RABGAP1L: variants seen among roughly 807,000 people sequenced by gnomAD.
RABGAP1L encodes rab GTPase-activating protein 1-like.
Under a neutral mutation model 137.7 loss-of-function variants are expected in RABGAP1L, and 63 were observed. The observed-to-expected ratio is 0.46, with a 90% confidence interval of 0.37 to 0.56. The LOEUF (loss-of-function observed/expected upper bound fraction) is 0.56. Among genes scored for constraint, RABGAP1L ranks in the 20% least tolerant of loss-of-function variants. The pLI, the probability that RABGAP1L is intolerant of heterozygous loss-of-function variation, is 0.00. For missense variants in RABGAP1L, 1,095 were observed against 1,244.0 expected, an observed-to-expected ratio of 0.88 and a Z score of 1.80; for synonymous variants, 431 against 433.7, an observed-to-expected ratio of 0.99 and a Z score of 0.08.
rs1202610706 is a variant in RABGAP1L at position 174,761,535 on chromosome 1, C to T, written c.2211+9181C>T. 6.6e-6 allele frequency among the ~76,000 whole-genome samples: 1 copy of T among 152,094 alleles called. No homozygotes were observed. The highest frequency in any genetic ancestry group is 1.5e-5 in the Non-Finnish European group (1 of 68,024). On this transcript the variant is annotated intron_variant, in intron 18 of 25. Coordinates refer to ENST00000681986, the MANE Select transcript of RABGAP1L (RefSeq NM_001366446.1). The surrounding 1 kb of genome is among the most constrained non-coding windows in gnomAD (Gnocchi z 4.0). ...TGCTCACTTCCCAGCAGAGGCTCTC[C>T]TCACTTCCCAGATGGTGGGGCCGCC...
chr1:174,428,345 G>A (rs1488305690), intron 13 of RABGAP1L, among the ~76,000 whole-genome samples: 2 of 152,090 alleles, frequency 1.3e-5, no homozygotes, highest in Non-Finnish European at 2.9e-5. Context: ...CGAGGTATGG[G>A]GGAAGTGTAG....
chr1:174,222,687 A>G (rs1412936282), intron 3 of RABGAP1L, among the ~76,000 whole-genome samples: 1 of 152,254 alleles, frequency 6.6e-6, no homozygotes, highest in African/African-American at 2.4e-5. Context: ...CAGTTAGGGC[A>G]TGATAGCTAT....
At chr1:174,582,385 A>G (rs1030892437) in intron 13 of RABGAP1L, among the ~76,000 whole-genome samples, 5 of 152,170 alleles carry the variant, frequency 3.3e-5, no homozygotes, top group Non-Finnish European at 7.3e-5. Context: ...GAAAAGCTGC[A>G]AAGAGATGAG....
In RABGAP1L at chr1:174,448,778, TA is replaced by T. The variant is rs777271752; in HGVS notation, c.1710+54634del. On this transcript the variant is annotated intron_variant, in intron 13 of 25. Coordinates refer to ENST00000681986, the MANE Select transcript of RABGAP1L (RefSeq NM_001366446.1). This position sits in a 1 kb window ranked among gnomAD's most constrained non-coding sequence, Gnocchi z 4.2. ...TGCTGCCTTTGTTGTCTGCTTCACTTACTTCCACATTTTCAAAATTTGCCGT... is the reference window on the plus strand; with the variant it reads ...TGCTGCCTTTGTTGTCTGCTTCACTTCTTCCACATTTTCAAAATTTGCCGT... The T allele has an allele frequency of 6.2e-7, 1 of 1,613,866 alleles. No individual in the cohort carries two copies. Among genetic ancestry groups the T allele is most frequent in the Non-Finnish European group, 8.5e-7 (1 of 1,179,782 alleles).
intron 13 of RABGAP1L, among the ~76,000 whole-genome samples, chr1:174,539,208 AAACTTAGTGGTAAAG>A (rs1413581596): frequency 1.3e-5 from 2 of 152,286 alleles, no homozygotes; most frequent in African/African-American, 4.8e-5. Context: ...GTTGGAGGTT[AAACTTAGTGGTAAAG>A]AACTTAGCAT....
intron 5 of RABGAP1L, 22 bp from the exon 6 acceptor site, chr1:174,250,453 A>G: frequency 6.3e-7 from 1 of 1,586,004 alleles, no homozygotes; most frequent in South Asian, 1.1e-5. Context: ...GCCTAATGGT[A>G]TTTCCTTTTT....
intron 19 of RABGAP1L, among the ~76,000 whole-genome samples, chr1:174,884,654 A>C (rs1654789231): frequency 6.6e-6 from 1 of 152,224 alleles, no homozygotes; most frequent in Admixed American, 6.5e-5. Context: ...TTAAATAAGA[A>C]AGGGATTTTA....
At chr1:174,778,372 G>A (rs1686699233) in intron 18 of RABGAP1L, among the ~76,000 whole-genome samples, 2 of 152,098 alleles carry the variant, frequency 1.3e-5, no homozygotes, top group African/African-American at 4.8e-5. Context: ...TAGGAGATCT[G>A]GATTACTGAA....
In RABGAP1L at chr1:174,394,025, G is replaced by C. The variant is rs182025880; in HGVS notation, c.1590G>C (p.Gly530=). ...GTAACCTTGGTGCACGACCGAAAGG[G>C]CTGTCTACTCTGGTGAAGAGTGGTG... is the stretch of plus-strand genomic sequence containing the variant. ...WHSNLGARPK[G]LSTLVKSGVP... Residue 530 remains glycine (G), a synonymous_variant, in exon 13 of 26, where the codon GGG becomes GGC. Coordinates refer to ENST00000681986, the MANE Select transcript of RABGAP1L (RefSeq NM_001366446.1). 22 of 1,613,586 alleles carry C rather than the reference G, an allele frequency of 1.4e-5. No individual in the cohort carries two copies. The highest frequency in any genetic ancestry group is 1.7e-5 in the Non-Finnish European group (20 of 1,179,736).
chr1:174,824,335 T>G (rs1691352020), intron 19 of RABGAP1L, among the ~76,000 whole-genome samples: 1 of 151,336 alleles, frequency 6.6e-6, no homozygotes, highest in African/African-American at 2.4e-5. Flanking sequence ...ATATATATAT[T>G]AGTACAAAAA....
At chr1:174,200,269 G>T (rs549436141) in intron 1 of RABGAP1L, among the ~76,000 whole-genome samples, 1 of 152,258 alleles carries the variant, frequency 6.6e-6, no homozygotes, top group African/African-American at 2.4e-5. Flanking sequence ...TAACAATCTG[G>T]TGTTCCTAAA....
At chr1:174,478,946 C>A (rs1441054140) in intron 13 of RABGAP1L, among the ~76,000 whole-genome samples, 2 of 152,138 alleles carry the variant, frequency 1.3e-5, no homozygotes, top group Non-Finnish European at 2.9e-5. Context: ...TTCAACAGGG[C>A]CTTGGCTTCG....
At chr1:174,947,245 A>C (rs1366989117) in intron 19 of RABGAP1L, among the ~76,000 whole-genome samples, 5 of 145,968 alleles carry the variant, frequency 3.4e-5, no homozygotes, top group Admixed American at 6.9e-5. Context: ...TCACTGAGCT[A>C]ATTTTTGTAT....
chr1:174,659,155 A>T (rs1676187290), intron 14 of RABGAP1L, among the ~76,000 whole-genome samples: 2 of 150,162 alleles, frequency 1.3e-5, no homozygotes, highest in African/African-American at 4.9e-5. Context: ...TGTGCTAGGC[A>T]TTGTGTTTAA....
At chr1:174,790,824 G>A (rs979818666) in intron 18 of RABGAP1L, among the ~76,000 whole-genome samples, 1 of 151,638 alleles carries the variant, frequency 6.6e-6, no homozygotes, top group Non-Finnish European at 1.5e-5. Flanking sequence ...TATGGTGGGA[G>A]AGCTAGAGTG....
chr1:174,635,323 T>C (rs1451891132), intron 13 of RABGAP1L, among the ~76,000 whole-genome samples: 1 of 152,150 alleles, frequency 6.6e-6, no homozygotes, highest in African/African-American at 2.4e-5. Flanking sequence ...GCAATGGCAG[T>C]AGTAACATTT....
rs533487949 is a variant in RABGAP1L at position 174,913,398 on chromosome 1, C to G, written c.2341-44059C>G. Among the ~76,000 whole-genome samples the G allele has an allele frequency of 3.9e-5, 6 of 152,298 alleles. No homozygotes were observed. In the South Asian group the frequency reaches 6.2e-4, roughly 16 times the overall value. ...TGTGAGAAGGGTAGCAGCACTAAAC[C>G]TTGTGTTTCTAGAGATAGAAGTTTG... On this transcript the variant is annotated intron_variant, in intron 19 of 25. Transcript: ENST00000681986.
At chr1:174,639,775 G>A (rs1013000100) in intron 14 of RABGAP1L, among the ~76,000 whole-genome samples, 2 of 152,086 alleles carry the variant, frequency 1.3e-5, no homozygotes, top group African/African-American at 4.8e-5. Flanking sequence ...AAAAATAAAA[G>A]TTGAACGATT....
chr1:174,976,326 A>G, intron 22 of RABGAP1L, 144 bp downstream of exon 22: 2 of 683,996 alleles, frequency 2.9e-6, no homozygotes, highest in South Asian at 4.5e-5. Context: ...TACTTACTCA[A>G]CATTTTTGTT....
Sources: gnomAD v4.1 joint callset for allele counts (sites outside exome capture counted in the v4.1 genomes callset) on GRCh38, gnomAD v4.1.1 for gene constraint, Gnocchi (gnomAD v3.1) non-coding constraint, MANE v1.5 for transcripts, NCBI Gene and HGNC (gene_info 2026-07-23, HGNC 2026-07-21) for gene names.